The following OSBPL8 variants were observed in gnomAD, a reference collection of about 807,000 sequenced individuals.
OSBPL8 encodes oxysterol binding protein like 8.
A neutral mutation model predicts 125.5 loss-of-function variants in OSBPL8; 59 were observed. That is an observed-to-expected ratio of 0.47 (90% CI 0.38 to 0.58). The LOEUF is 0.58. Among genes scored for constraint, OSBPL8 ranks in the 20% least tolerant of loss-of-function variants. OSBPL8 has a pLI of 0.00. For synonymous variants in OSBPL8, 330 were observed against 338.9 expected, an observed-to-expected ratio of 0.97 and a Z score of 0.29; for missense variants, 758 against 1,047.8, an observed-to-expected ratio of 0.72 and a Z score of 3.82.
At chr12:76,481,343 T>C (rs903717943) in intron 2 of OSBPL8, among the ~76,000 whole-genome samples, 1 of 152,210 alleles carries the variant, frequency 6.6e-6, no homozygotes, top group African/African-American at 2.4e-5. Context: ...AATTGGCATA[T>C]GGATAAATTA....
In OSBPL8 at chr12:76,403,919, G is replaced by A. The variant is rs186730439; in HGVS notation, c.289-1153C>T. ...AGAATGAACTTAGTAAATATCTAAC[G>A]AATTAATAAAATGAAAATAAAATAG... On this transcript the variant is annotated intron_variant, in intron 5 of 23. Coordinates refer to ENST00000261183, the MANE Select transcript of OSBPL8 (RefSeq NM_020841.5). Among the ~76,000 whole-genome samples the A allele has an allele frequency of 5.5e-4, 83 of 152,170 alleles. No individual in the cohort carries two copies. The South Asian group carries it at 0.015, about 28-fold the overall frequency.
chr12:76,375,250 T>A, intron 17 of OSBPL8, 23 bp downstream of exon 17: 4 of 1,478,354 alleles, frequency 2.7e-6, no homozygotes, highest in Non-Finnish European at 3.8e-6. Flanking sequence ...AGCTAGGTGA[T>A]ACCTACTGTA....
Position 76,394,640 on chromosome 12 carries a change from C to T in OSBPL8, c.757+5G>A. ...AAAATCCAATCCATCAAAAACTATA[C>T]TTACCATCTGACTCTGAAGTAGCTC... On this transcript the variant is annotated splice_donor_5th_base_variant and intron_variant, in intron 9 of 23. Coordinates refer to ENST00000261183, the MANE Select transcript of OSBPL8 (RefSeq NM_020841.5). 2 of 1,608,026 alleles carry T rather than the reference C, an allele frequency of 1.2e-6. No homozygotes were observed. The highest frequency in any genetic ancestry group is 2.2e-5 in the East Asian group (1 of 44,642).
At chr12:76,540,955 TTAGATACATAGTAG>T (rs1473887936) in intron 1 of OSBPL8, among the ~76,000 whole-genome samples, 1 of 152,106 alleles carries the variant, frequency 6.6e-6, no homozygotes, top group Non-Finnish European at 1.5e-5. Flanking sequence ...CATTTTTCCT[TTAGATACATAGTAG>T]TAACAGAAAA....
chr12:76,548,344 C>A (rs748125187), intron 1 of OSBPL8, among the ~76,000 whole-genome samples: 2 of 152,040 alleles, frequency 1.3e-5, no homozygotes, highest in Non-Finnish European at 2.9e-5. Context: ...GGAACCAATA[C>A]GTCTGAGAAG....
chr12:76,356,162 T>TGGGGGGGGGTTATGGGGGGGG, intron 23 of OSBPL8, 141 bp from the exon 24 acceptor site: 1 of 131,834 alleles, frequency 7.6e-6, no homozygotes, highest in Admixed American at 8.8e-5. Flanking sequence ...TATGTAGGGG[T>TGGGGGGGGGTTATGGGGGGGG]GGGGGGGGGC....
intron 3 of OSBPL8, among the ~76,000 whole-genome samples, chr12:76,453,102 A>G (rs1873613057): frequency 6.6e-6 from 1 of 151,914 alleles, no homozygotes; most frequent in Non-Finnish European, 1.5e-5. Flanking sequence ...TCTGAAAAAT[A>G]TAGTTTATTG....
chr12:76,390,341 G>T, intron 11 of OSBPL8, 79 bp downstream of exon 11: 2 of 1,067,714 alleles, frequency 1.9e-6, no homozygotes, highest in Non-Finnish European at 2.8e-6. Flanking sequence ...AATAGATCAA[G>T]CAAATAATAT....
At chr12:76,448,585 C>T (rs569504720) in intron 4 of OSBPL8, among the ~76,000 whole-genome samples, 1 of 152,240 alleles carries the variant, frequency 6.6e-6, no homozygotes, top group East Asian at 1.9e-4. Context: ...GCTAACTTTT[C>T]AAAAATACAA....
chr12:76,402,496 C>A (rs1421593721), intron 6 of OSBPL8, among the ~76,000 whole-genome samples, 193 bp downstream of exon 6: 5 of 152,182 alleles, frequency 3.3e-5, no homozygotes, highest in African/African-American at 1.2e-4. Context: ...TGACAGTCAT[C>A]AATCAATCTT....
At position 76,369,808 on chromosome 12, in the gene OSBPL8, A is replaced by G; in HGVS notation, c.2069T>C (p.Val690Ala). The G allele has an allele frequency of 6.2e-7, 1 of 1,612,800 alleles. No homozygotes were observed. Among genetic ancestry groups the G allele is most frequent in the Non-Finnish European group, 8.5e-7 (1 of 1,179,376 alleles). Residue 690 changes from valine to alanine, a missense_variant, in exon 20 of 24, where the codon GTA becomes GCA. By Grantham distance (64) the Val-to-Ala change is moderately conservative. Transcript: ENST00000261183. ...DFESEKLWQRVTRAINAKDQT... is the reference protein window; with the variant it reads ...DFESEKLWQRATRAINAKDQT... Reference sequence around the variant, plus strand: ...GTCTTTGGCATTTATGGCTCGAGTTACCCGTTGCCAGAGTCTAATACATGT... The same window carrying G: ...GTCTTTGGCATTTATGGCTCGAGTTGCCCGTTGCCAGAGTCTAATACATGT...
Position 76,410,548 on chromosome 12 carries a change from G to A in OSBPL8, c.288+16C>T, listed in dbSNP as rs1200886630. 1.6e-5 allele frequency: 25 copies of A among 1,537,552 alleles called. No individual in the cohort carries two copies. The highest frequency in any genetic ancestry group is 2.2e-5 in the Non-Finnish European group (24 of 1,115,546). ...AAGAATATGTCATAATCATGTATTT[G>A]CTTATATATGCTTACCTTGCTCTTT... On this transcript the variant is annotated intron_variant, in intron 5 of 23. Coordinates refer to ENST00000261183, the MANE Select transcript of OSBPL8 (RefSeq NM_020841.5).
chr12:76,493,995 T>C (rs1434996655), intron 1 of OSBPL8, among the ~76,000 whole-genome samples: 1 of 152,184 alleles, frequency 6.6e-6, no homozygotes, highest in Non-Finnish European at 1.5e-5. Context: ...CGCTGTTCTT[T>C]TTAATTATTC....
chr12:76,418,421 G>A (rs1250373307), intron 4 of OSBPL8, among the ~76,000 whole-genome samples: 9 of 152,092 alleles, frequency 5.9e-5, no homozygotes. Flanking sequence ...CCTTCCAAAT[G>A]GTCATTAAGT....
intron 1 of OSBPL8, among the ~76,000 whole-genome samples, chr12:76,550,607 C>T (rs1289274202): frequency 6.6e-6 from 1 of 152,144 alleles, no homozygotes; most frequent in Non-Finnish European, 1.5e-5. Flanking sequence ...ACAAAAAAAT[C>T]TCCTTATGTT....
chr12:76,378,961 G>T (rs1314599575), intron 15 of OSBPL8, among the ~76,000 whole-genome samples: 2 of 151,902 alleles, frequency 1.3e-5, no homozygotes, highest in Non-Finnish European at 2.9e-5. Context: ...GTAGAGACAG[G>T]GTTTCCCCAT....
At chr12:76,507,958 A>C (rs1474696458) in intron 1 of OSBPL8, among the ~76,000 whole-genome samples, 1 of 151,760 alleles carries the variant, frequency 6.6e-6, no homozygotes, top group African/African-American at 2.4e-5. Context: ...ATCACCTGAG[A>C]TCAGGAGTTT....
chr12:76,447,584 C>T (rs1321441593), intron 4 of OSBPL8, among the ~76,000 whole-genome samples: 2 of 152,090 alleles, frequency 1.3e-5, no homozygotes, highest in East Asian at 3.9e-4. Flanking sequence ...ACTCTTATTG[C>T]CCAGGCTGGA....
intron 1 of OSBPL8, among the ~76,000 whole-genome samples, chr12:76,523,485 T>C (rs370820956): frequency 5.3e-5 from 8 of 152,228 alleles, no homozygotes; most frequent in African/African-American, 1.7e-4. Context: ...CTCCAGTATT[T>C]GTATCTTCTC....
Sources: gnomAD v4.1 joint callset for allele counts (sites outside exome capture counted in the v4.1 genomes callset) on GRCh38, gnomAD v4.1.1 for gene constraint, MANE v1.5 for transcripts, NCBI Gene and HGNC (gene_info 2026-07-23, HGNC 2026-07-21) for gene names.